The following E2F7 variants were observed in gnomAD, a reference collection of about 807,000 sequenced individuals.
E2F7 encodes E2F transcription factor 7.
Under a neutral mutation model 81.1 loss-of-function variants are expected in E2F7, and 35 were observed. That is an observed-to-expected ratio of 0.43 (90% CI 0.33 to 0.57). The LOEUF (loss-of-function observed/expected upper bound fraction) is 0.57, where lower values mean the gene tolerates loss of function less well. Ranked by LOEUF, E2F7 falls within the 20% of genes least tolerant of loss-of-function variation. The pLI is 0.04. For missense variants in E2F7, 961 were observed against 1,093.7 expected, an observed-to-expected ratio of 0.88 and a Z score of 1.71; for synonymous variants, 416 against 416.2, an observed-to-expected ratio of 1.00 and a Z score of 0.01.
chr12:77,055,799 A>G, intron 3 of E2F7, 56 bp downstream of exon 3: 3 of 1,516,972 alleles, frequency 2.0e-6, no homozygotes, highest in Non-Finnish European at 1.8e-6. Context: ...ATTTTTTAAT[A>G]ATCAAGTAAA....
intron 7 of E2F7, among the ~76,000 whole-genome samples, chr12:77,041,417 C>T (rs1954894445): frequency 6.6e-6 from 1 of 152,150 alleles, no homozygotes; most frequent in Non-Finnish European, 1.5e-5. Context: ...TCTTGAACTC[C>T]TGACCTCAGG....
intron 4 of E2F7, among the ~76,000 whole-genome samples, chr12:77,046,940 A>T (rs776352802): frequency 6.6e-6 from 1 of 152,222 alleles, no homozygotes; most frequent in Non-Finnish European, 1.5e-5. Flanking sequence ...TACCCTTCTC[A>T]TATTGCTGAA....
intron 2 of E2F7, among the ~76,000 whole-genome samples, chr12:77,063,052 C>T (rs7961168): frequency 0.15 from 22,317 of 152,102 alleles, 1,825 homozygotes; most frequent in South Asian, 0.26. Context: ...TCACGTCATC[C>T]TGCTCCGTCC....
rs1954721963 is a variant in E2F7, at chr12:77,022,572, A to G, written c.*1443T>C. The G allele has an allele frequency of 6.6e-6, 1 of 152,538 alleles. No individual in the cohort carries two copies. Among genetic ancestry groups the G allele is most frequent in the Non-Finnish European group, 1.5e-5 (1 of 68,022 alleles). 9.4% of individuals were successfully genotyped at this position (152,538 alleles called of 1,614,324 possible). ...TTGGGTCAAAAAATAAAAATAAAAT[A>G]AAACCCTACACCAGGATTCTACATC... On this transcript the variant is annotated 3_prime_UTR_variant, in exon 13 of 13. Coordinates refer to ENST00000322886, the MANE Select transcript of E2F7 (RefSeq NM_203394.3).
chr12:77,064,450 A>C, intron 2 of E2F7, 93 bp downstream of exon 2: 3 of 1,018,842 alleles, frequency 2.9e-6, no homozygotes, highest in Non-Finnish European at 4.5e-6. Context: ...ATTATGCTTA[A>C]ATACAAATAC....
rs1237819675 is a variant in E2F7, at chr12:77,030,249, T to C, written c.1466A>G (p.Asp489Gly). ...PVAPFPVLSV[D>G]PEYCVNPLAH... is the part of the protein sequence containing the mutation. The stretch of plus-strand genomic sequence containing the variant: ...TAAAGGATTAACACAATATTCTGGG[T>C]CAACAGAGAGGACAGGGAAAGGAGC... The change falls in exon 10 of 13, where the codon GAC becomes GGC. Residue 489 changes from aspartate (D) to glycine (G), a missense_variant. Around this residue, in one of 3 missense-constraint regions of E2F7, gnomAD observed 587 missense variants for 620.3 expected, o/e 0.95. Coordinates refer to ENST00000322886, the MANE Select transcript of E2F7 (RefSeq NM_203394.3). 4 of 1,612,412 alleles carry C rather than the reference T, an allele frequency of 2.5e-6. No individual in the cohort carries two copies. Among genetic ancestry groups the C allele is most frequent in the Non-Finnish European group, 3.4e-6 (4 of 1,179,070 alleles).
At chr12:77,053,175 A>G (rs1955003932) in intron 3 of E2F7, among the ~76,000 whole-genome samples, 1 of 152,178 alleles carries the variant, frequency 6.6e-6, no homozygotes, top group Admixed American at 6.5e-5. Flanking sequence ...GTAGTTCTCA[A>G]ACTTTTTGCT....
intron 3 of E2F7, 95 bp from the exon 4 acceptor site, chr12:77,050,839 T>C: frequency 2.5e-6 from 3 of 1,218,968 alleles, no homozygotes; most frequent in Non-Finnish European, 3.5e-6. Context: ...TGGGGGGACA[T>C]CTCAATCCAT....
Position 77,027,849 on chromosome 12 carries a change from G to A in E2F7, c.2140+34C>T, listed in dbSNP as rs374669567. 1,203 of 1,605,578 alleles carry A rather than the reference G, an allele frequency of 7.5e-4. 1 individual carries two copies. Among genetic ancestry groups the A allele is most frequent in the Non-Finnish European group, 9.7e-4 (1,145 of 1,176,058 alleles). On this transcript the variant is annotated intron_variant, in intron 11 of 12. Coordinates refer to ENST00000322886, the MANE Select transcript of E2F7 (RefSeq NM_203394.3). ...AAATCCAATTCTTGATCTGACTGCC[G>A]CAAGGGACTCTAAGACATGATGACA...
At chr12:77,042,580 A>C (rs1282608540) in intron 7 of E2F7, among the ~76,000 whole-genome samples, 2 of 152,234 alleles carry the variant, frequency 1.3e-5, no homozygotes, top group African/African-American at 4.8e-5. Context: ...CAAAAAGTCC[A>C]TTACATCCAT....
At chr12:77,045,877 G>C (rs1954935530) in intron 5 of E2F7, 161 bp downstream of exon 5, 1 of 920,826 alleles carries the variant, frequency 1.1e-6, no homozygotes, top group African/African-American at 1.7e-5. Context: ...GGGCAGTCCA[G>C]TTGGGGAGCC....
chr12:77,041,962 G>A (rs969682977), intron 7 of E2F7, among the ~76,000 whole-genome samples: 2 of 152,126 alleles, frequency 1.3e-5, no homozygotes, highest in Admixed American at 1.3e-4. Context: ...AGCACAAACA[G>A]CACAATACTC....
chr12:77,059,450 T>C (rs540331634), intron 2 of E2F7, among the ~76,000 whole-genome samples: 1 of 152,332 alleles, frequency 6.6e-6, no homozygotes, highest in South Asian at 2.1e-4. Flanking sequence ...TCCGTAGGTA[T>C]AAAATGAGGA....
intron 4 of E2F7, among the ~76,000 whole-genome samples, chr12:77,047,505 T>C (rs1190888058): frequency 6.6e-6 from 1 of 152,204 alleles, no homozygotes; most frequent in Non-Finnish European, 1.5e-5. Context: ...CTTGGGCACA[T>C]AGCAAAAGCC....
At chr12:77,051,499 A>AG (rs978900210) in intron 3 of E2F7, among the ~76,000 whole-genome samples, 1 of 142,710 alleles carries the variant, frequency 7.0e-6, no homozygotes, top group African/African-American at 2.5e-5. Context: ...GGGTGGGGGC[A>AG]GGGGGGAGGG....
At chr12:77,039,873 C>A (rs1260897742) in intron 7 of E2F7, among the ~76,000 whole-genome samples, 3 of 152,076 alleles carry the variant, frequency 2.0e-5, no homozygotes, top group Admixed American at 2.0e-4. Context: ...ATCACAGGAG[C>A]TTTATTTATA....
intron 3 of E2F7, among the ~76,000 whole-genome samples, chr12:77,052,331 A>G (rs573107279): frequency 2.6e-5 from 4 of 152,276 alleles, no homozygotes; most frequent in African/African-American, 7.2e-5. Flanking sequence ...ACCTGATATC[A>G]GTGCTTATTA....
At chr12:77,037,873 T>G (rs1954864536) in intron 7 of E2F7, among the ~76,000 whole-genome samples, 2 of 152,104 alleles carry the variant, frequency 1.3e-5, no homozygotes, top group Non-Finnish European at 2.9e-5. Context: ...AATGGTCAGA[T>G]TAGATTTAAA....
At position 77,023,995 on chromosome 12, in the gene E2F7, C is replaced by A; in HGVS notation, c.*20G>T. Reference sequence around the variant, plus strand: ...ACTCTCAGGGCGTTTGATCCCACCCCCACCTGGCAAAGCGGCAGGTTAGTC... The same window carrying A: ...ACTCTCAGGGCGTTTGATCCCACCCACACCTGGCAAAGCGGCAGGTTAGTC... On this transcript the variant is annotated 3_prime_UTR_variant, in exon 13 of 13. Coordinates refer to ENST00000322886, the MANE Select transcript of E2F7 (RefSeq NM_203394.3). 6.2e-7 allele frequency: 1 copy of A among 1,611,588 alleles called. No homozygotes were observed. The highest frequency in any genetic ancestry group is 8.5e-7 in the Non-Finnish European group (1 of 1,179,312).
Sources: allele counts gnomAD v4.1 joint callset (sites outside exome capture counted in the v4.1 genomes callset), GRCh38; gene constraint gnomAD v4.1.1; regional missense constraint gnomAD v4.1.1; transcripts MANE v1.5; gene names NCBI Gene and HGNC (gene_info 2026-07-23, HGNC 2026-07-21).